The following PLD5 variants were observed in gnomAD, a reference collection of about 807,000 sequenced individuals.
PLD5 encodes the protein inactive phospholipase D5.
A neutral mutation model predicts 61.1 loss-of-function variants in PLD5; 36 were observed. That is an observed-to-expected ratio of 0.59 (90% CI 0.45 to 0.78). The LOEUF (loss-of-function observed/expected upper bound fraction) is 0.78. Among genes scored for constraint, PLD5 ranks in the 30% least tolerant of loss-of-function variants. The pLI is 0.00. For synonymous variants in PLD5, 243 were observed against 242.8 expected (o/e 1.00, Z -0.01); for missense variants, 515 against 644.4 (o/e 0.80, Z 2.17).
chr1:242,183,661 C>T (rs1309028393), intron 5 of PLD5, among the ~76,000 whole-genome samples: 3 of 152,192 alleles, frequency 2.0e-5, no homozygotes, highest in East Asian at 1.9e-4. Context: ...TTTGGGAGGC[C>T]GAGGCAGGTG....
intron 5 of PLD5, among the ~76,000 whole-genome samples, chr1:242,194,506 C>T (rs564031929): frequency 1.4e-4 from 22 of 152,226 alleles, no homozygotes; most frequent in African/African-American, 2.2e-4. Flanking sequence ...ATTGCAAAAT[C>T]GTGGAACCAA....
intron 1 of PLD5, among the ~76,000 whole-genome samples, chr1:242,510,425 T>C (rs1046998045): frequency 2.6e-5 from 4 of 152,192 alleles, no homozygotes; most frequent in Non-Finnish European, 5.9e-5. Context: ...TATATTAGGA[T>C]ACTACATAAA....
chr1:242,524,126 C>T lies in PLD5; in HGVS notation c.151G>A (p.Ala51Thr). ...YSSVKQQDYS[A>T]SVWLRRKDKL... ...TCTTTCCTCCGAAGCCAGACGCTGG[C>T]GCTGTAGTCCTGCTGCTTGACGCTG... The change falls in exon 1 of 10, where the codon GCC becomes ACC. Residue 51 changes from alanine (A) to threonine (T), a missense_variant. Physicochemically the swap from Ala to Thr is moderately conservative, Grantham distance 58. Transcript: ENST00000536534. 1 of 1,535,328 alleles carries T rather than the reference C, an allele frequency of 6.5e-7. No individual in the cohort carries two copies. The highest frequency in any genetic ancestry group is 8.7e-7 in the Non-Finnish European group (1 of 1,146,434).
intron 5 of PLD5, among the ~76,000 whole-genome samples, chr1:242,193,058 C>A (rs1287938494): frequency 6.6e-6 from 1 of 152,140 alleles, no homozygotes; most frequent in African/African-American, 2.4e-5. Flanking sequence ...GAAATTGATC[C>A]CTACCTCCTT....
intron 1 of PLD5, among the ~76,000 whole-genome samples, chr1:242,421,649 A>C (rs1282102895): frequency 6.6e-6 from 1 of 152,200 alleles, no homozygotes; most frequent in Non-Finnish European, 1.5e-5. Flanking sequence ...GTCTTCACGA[A>C]GCTTCCATGG....
chr1:242,236,630 C>T (rs1183896063), intron 4 of PLD5, among the ~76,000 whole-genome samples: 1 of 152,094 alleles, frequency 6.6e-6, no homozygotes, highest in African/African-American at 2.4e-5. Flanking sequence ...GAGGTTTGCA[C>T]CATGGGAAAT....
chr1:242,481,822 C>A (rs967552335), intron 1 of PLD5, among the ~76,000 whole-genome samples: 1 of 152,330 alleles, frequency 6.6e-6, no homozygotes, highest in Middle Eastern at 3.4e-3. Flanking sequence ...TAGGGGCAGA[C>A]TGACACCTCA....
chr1:242,521,676 G>A (rs566934045), intron 1 of PLD5, among the ~76,000 whole-genome samples: 10 of 105,306 alleles, frequency 9.5e-5, no homozygotes, highest in Admixed American at 8.9e-4. Flanking sequence ...TGATTAGACA[G>A]ACCAGAAGGG....
At chr1:242,510,662 G>A (rs1259636816) in intron 1 of PLD5, among the ~76,000 whole-genome samples, 9 of 152,064 alleles carry the variant, frequency 5.9e-5, no homozygotes, top group Non-Finnish European at 1.2e-4. Context: ...TGGATAACAC[G>A]GTGAAACCCC....
chr1:242,482,318 T>G (rs989715867), intron 1 of PLD5, among the ~76,000 whole-genome samples: 1 of 152,122 alleles, frequency 6.6e-6, no homozygotes, highest in Non-Finnish European at 1.5e-5. Flanking sequence ...GAAAAAAGAT[T>G]AGATGAATGG....
intron 9 of PLD5, among the ~76,000 whole-genome samples, chr1:242,091,302 G>C (rs916182297): frequency 6.6e-6 from 1 of 152,140 alleles, no homozygotes. Flanking sequence ...AGTAAGCCTG[G>C]GATCTGCCCT....
chr1:242,269,831 G>A (rs949323987), intron 3 of PLD5, among the ~76,000 whole-genome samples: 14 of 151,792 alleles, frequency 9.2e-5, no homozygotes, highest in Non-Finnish European at 1.9e-4. Flanking sequence ...TCATTTTTAC[G>A]CAATTAGAGA....
At chr1:242,107,563 G>A (rs903951468) in intron 8 of PLD5, 108 bp downstream of exon 8, 74 of 1,084,852 alleles carry the variant, frequency 6.8e-5, no homozygotes, top group Middle Eastern at 2.8e-4. Flanking sequence ...GAAGATTGCC[G>A]TCCTGGTTCT....
intron 6 of PLD5, among the ~76,000 whole-genome samples, chr1:242,114,246 TTTA>T (rs1413247790): frequency 1.7e-4 from 26 of 152,134 alleles, no homozygotes; most frequent in African/African-American, 6.3e-4. Context: ...AAAGAATTCT[TTTA>T]TTATCTGACA....
At chr1:242,381,665 TAGTA>T (rs575731024) in intron 1 of PLD5, among the ~76,000 whole-genome samples, 318 of 152,298 alleles carry the variant, frequency 2.1e-3, no homozygotes, top group African/African-American at 7.2e-3. Flanking sequence ...TCTTCACTGA[TAGTA>T]AGAAACCTGG....
chr1:242,092,123 G>A (rs776952978), intron 9 of PLD5, among the ~76,000 whole-genome samples: 12 of 151,740 alleles, frequency 7.9e-5, no homozygotes, highest in Non-Finnish European at 1.5e-4. Flanking sequence ...CCACTGTGCC[G>A]GGCCTGATTT....
chr1:242,490,849 T>G (rs1668125777), intron 1 of PLD5, among the ~76,000 whole-genome samples: 1 of 144,580 alleles, frequency 6.9e-6, no homozygotes, highest in Non-Finnish European at 1.5e-5. Flanking sequence ...TTCCGAAAAT[T>G]TGGAGGAGCG....
At chr1:242,411,298 C>G (rs1396620106) in intron 1 of PLD5, among the ~76,000 whole-genome samples, 1 of 152,124 alleles carries the variant, frequency 6.6e-6, no homozygotes, top group Admixed American at 6.5e-5. Flanking sequence ...TGCAGTGGCA[C>G]GATCTCGGCT....
intron 1 of PLD5, among the ~76,000 whole-genome samples, chr1:242,352,375 T>C (rs1660526470): frequency 6.6e-6 from 1 of 152,280 alleles, no homozygotes; most frequent in Non-Finnish European, 1.5e-5. Flanking sequence ...TGGTACAAAT[T>C]ACAAACTTTC....
Sources: gnomAD v4.1 joint callset for allele counts (sites outside exome capture counted in the v4.1 genomes callset) on GRCh38, gnomAD v4.1.1 for gene constraint, MANE v1.5 for transcripts, NCBI Gene and HGNC (gene_info 2026-07-23, HGNC 2026-07-21) for gene names.